JAM3: variants seen among roughly 807,000 people sequenced by gnomAD.
The protein encoded by JAM3 is junctional adhesion molecule C.
A neutral mutation model predicts 39.4 loss-of-function variants in JAM3; 31 were observed. That is an observed-to-expected ratio of 0.79 (90% CI 0.59 to 1.06). JAM3 has a LOEUF of 1.06. Ranked by LOEUF, JAM3 falls within the 50% of genes least tolerant of loss-of-function variation. JAM3 has a pLI of 0.00. For missense variants in JAM3, 455 were observed against 391.4 expected, an observed-to-expected ratio of 1.16 and a Z score of -1.37; for synonymous variants, 182 against 148.7, an observed-to-expected ratio of 1.22 and a Z score of -1.63.
At chr11:134,094,965 C>T (rs1174015020) in intron 1 of JAM3, among the ~76,000 whole-genome samples, 1 of 152,202 alleles carries the variant, frequency 6.6e-6, no homozygotes, top group Non-Finnish European at 1.5e-5. Flanking sequence ...CTGCTTCCTT[C>T]ATATGTAACA....
rs765035029 is a variant in JAM3, at chr11:134,148,664, A to G, written c.830A>G (p.Gln277Arg). 6.2e-7 allele frequency: 1 copy of G among 1,614,188 alleles called. No homozygotes were observed. The highest frequency in any genetic ancestry group is 1.1e-5 in the South Asian group (1 of 91,086). Residue 277 changes from glutamine (Q) to arginine (R), a missense_variant, in exon 7 of 9, where the codon CAG (glutamine) becomes CGG (arginine). Gln to Arg is a conservative substitution (Grantham distance 43). Transcript: ENST00000299106. ...YRRGYFINNK[Q>R]DGESYKNPGK... ...CGTGGCTACTTCATCAACAATAAACAGGATGGAGAAAGGTGAGCCTGCCTT... is the reference window on the plus strand; with the variant it reads ...CGTGGCTACTTCATCAACAATAAACGGGATGGAGAAAGGTGAGCCTGCCTT...
At chr11:134,095,748 C>T (rs1048982439) in intron 1 of JAM3, among the ~76,000 whole-genome samples, 1 of 152,118 alleles carries the variant, frequency 6.6e-6, no homozygotes, top group African/African-American at 2.4e-5. Context: ...TGTTAACTTG[C>T]TACATGACCA....
rs1208032383 is a variant in JAM3 at position 134,087,135 on chromosome 11, G to A, written c.76+17976G>A. 2.0e-5 allele frequency among the ~76,000 whole-genome samples: 3 copies of A among 151,882 alleles called. No individual in the cohort carries two copies. In the East Asian group the frequency reaches 5.8e-4, roughly 29 times the overall value. On this transcript the variant is annotated intron_variant, in intron 1 of 8. Coordinates refer to ENST00000299106, the MANE Select transcript of JAM3 (RefSeq NM_032801.5). ...TTTAGTATTGTCTTTTCCCAAACACGCTTAGTGAAATGAAGCAACAGAAAT... is the reference window on the plus strand; with the variant it reads ...TTTAGTATTGTCTTTTCCCAAACACACTTAGTGAAATGAAGCAACAGAAAT...
At chr11:134,107,863 A>AAAAC (rs150401670) in intron 1 of JAM3, among the ~76,000 whole-genome samples, 1 of 151,448 alleles carries the variant, frequency 6.6e-6, no homozygotes, top group African/African-American at 2.4e-5. Flanking sequence ...CCTTGTCTCT[A>AAAAC]AAATAAATAA....
chr11:134,141,515 A>G (rs777727292), intron 3 of JAM3, among the ~76,000 whole-genome samples: 6 of 151,788 alleles, frequency 4.0e-5, no homozygotes, highest in Non-Finnish European at 7.4e-5. Flanking sequence ...ATGCCAGGCG[A>G]GCATGGGCGG....
At chr11:134,069,467 C>T (rs748841423) in intron 1 of JAM3, among the ~76,000 whole-genome samples, 7 of 152,098 alleles carry the variant, frequency 4.6e-5, no homozygotes, top group Non-Finnish European at 7.4e-5. Context: ...GGGGCGGGCT[C>T]TTCTCGGGCG....
intron 1 of JAM3, among the ~76,000 whole-genome samples, chr11:134,127,280 A>C (rs1389557044): frequency 1.3e-5 from 2 of 152,244 alleles, no homozygotes; most frequent in Non-Finnish European, 2.9e-5. Flanking sequence ...ACTGTCTTGA[A>C]GAGTGACCCT....
At chr11:134,134,895 T>C (rs1483404828) in intron 1 of JAM3, among the ~76,000 whole-genome samples, 1 of 152,232 alleles carries the variant, frequency 6.6e-6, no homozygotes. Flanking sequence ...ATATTGTGGA[T>C]GTTAATCCCT....
At chr11:134,128,850 A>AT (rs900586441) in intron 1 of JAM3, among the ~76,000 whole-genome samples, 3 of 152,186 alleles carry the variant, frequency 2.0e-5, no homozygotes. Context: ...CTATTTTTAC[A>AT]TTTTTTGTAT....
chr11:134,102,143 C>G (rs756674294), intron 1 of JAM3, among the ~76,000 whole-genome samples: 1 of 152,136 alleles, frequency 6.6e-6, no homozygotes, highest in African/African-American at 2.4e-5. Context: ...AACTGAGGCA[C>G]AGTAACATAC....
intron 1 of JAM3, among the ~76,000 whole-genome samples, chr11:134,132,330 C>T (rs1942784944): frequency 6.6e-6 from 1 of 152,098 alleles, no homozygotes; most frequent in African/African-American, 2.4e-5. Flanking sequence ...TCCAGCAAAA[C>T]CATCCTTCAA....
chr11:134,082,905 T>C (rs926013500), intron 1 of JAM3, among the ~76,000 whole-genome samples: 1 of 152,230 alleles, frequency 6.6e-6, no homozygotes. Context: ...AAATAGATGC[T>C]AACTGCATGT....
intron 1 of JAM3, among the ~76,000 whole-genome samples, chr11:134,136,428 C>T (rs2120838609): frequency 6.6e-6 from 1 of 152,312 alleles, no homozygotes; most frequent in East Asian, 1.9e-4. Flanking sequence ...GCCTTCCAAT[C>T]CTCACACTAC....
chr11:134,145,290 C>T (rs922275029), intron 5 of JAM3: 14 of 489,000 alleles, frequency 2.9e-5, no homozygotes, highest in Admixed American at 1.7e-4. Flanking sequence ...ATTAGACAAT[C>T]GGGGAAATTG....
chr11:134,080,324 A>G (rs1364978026), intron 1 of JAM3, among the ~76,000 whole-genome samples: 1 of 152,208 alleles, frequency 6.6e-6, no homozygotes, highest in East Asian at 1.9e-4. Flanking sequence ...GGTTTTGACT[A>G]CTTCATAGGA....
intron 1 of JAM3, among the ~76,000 whole-genome samples, chr11:134,112,725 C>T (rs1259325367): frequency 1.3e-5 from 2 of 152,142 alleles, no homozygotes; most frequent in African/African-American, 2.4e-5. Context: ...TAATTGGTAC[C>T]GGTGGAGGAG....
intron 1 of JAM3, among the ~76,000 whole-genome samples, chr11:134,128,290 C>G (rs1438853162): frequency 6.6e-6 from 1 of 152,154 alleles, no homozygotes; most frequent in East Asian, 1.9e-4. Flanking sequence ...GAGTGGACCC[C>G]AGAGTCTGTA....
rs533064132 is a variant in JAM3 at position 134,149,481 on chromosome 11, T to TA, written c.*303dup. Reference sequence around the variant, plus strand: ...TCCCGCATGAGTATTAGGGTGATCTTAAAGAGTTTGCTCACGTAAACGCCC... The same window carrying TA: ...TCCCGCATGAGTATTAGGGTGATCTTAAAAGAGTTTGCTCACGTAAACGCCC... On this transcript the variant is annotated 3_prime_UTR_variant, in exon 9 of 9. Coordinates refer to ENST00000299106, the MANE Select transcript of JAM3 (RefSeq NM_032801.5). 3.7e-6 allele frequency: 2 copies of TA among 547,742 alleles called. No homozygotes were observed. Among genetic ancestry groups the TA allele is most frequent in the Non-Finnish European group, 6.7e-6 (2 of 300,560 alleles). 33.9% of individuals were successfully genotyped at this position (547,742 alleles called of 1,614,324 possible). A position where few individuals can be genotyped will look rare whatever the true frequency, so the allele number is the denominator to read the frequency against.
chr11:134,139,397 AT>A (rs1942931271), intron 1 of JAM3, among the ~76,000 whole-genome samples: 1 of 152,200 alleles, frequency 6.6e-6, no homozygotes, highest in Non-Finnish European at 1.5e-5. Flanking sequence ...GAGAGTGTTG[AT>A]GCCGTCCCGA....
Sources: gnomAD v4.1 joint callset for allele counts (sites outside exome capture counted in the v4.1 genomes callset) on GRCh38, gnomAD v4.1.1 for gene constraint, MANE v1.5 for transcripts, NCBI Gene and HGNC (gene_info 2026-07-23, HGNC 2026-07-21) for gene names.